The following ARMC2 variants were observed in gnomAD, a reference collection of about 807,000 sequenced individuals.
The protein encoded by ARMC2 is armadillo repeat-containing protein 2.
Under a neutral mutation model 90.3 loss-of-function variants are expected in ARMC2, and 67 were observed. The observed-to-expected ratio is 0.74, with a 90% CI of 0.61 to 0.91. ARMC2 has a LOEUF of 0.91. Ranked by LOEUF, ARMC2 falls within the 40% of genes least tolerant of loss-of-function variation. ARMC2 has a pLI of 0.00. For missense variants in ARMC2, 920 were observed against 1,030.9 expected (o/e 0.89, Z 1.47); for synonymous variants, 393 against 393.0 (o/e 1.00, Z 0.00).
At chr6:108,863,616 G>A (rs1775506462) in intron 3 of ARMC2, among the ~76,000 whole-genome samples, 1 of 152,170 alleles carries the variant, frequency 6.6e-6, no homozygotes. Context: ...AAAGAGGTGT[G>A]ACCATGTGAA....
chr6:109,036,634 T>C, the ARMC2 span, among the ~76,000 whole-genome samples: 1 of 152,200 alleles, frequency 6.6e-6, no homozygotes, highest in Non-Finnish European at 1.5e-5. Context: ...AAAAAATTTT[T>C]TTTAGGTTGT....
chr6:108,902,604 C>T (rs1003791702), intron 7 of ARMC2, among the ~76,000 whole-genome samples: 2 of 152,210 alleles, frequency 1.3e-5, no homozygotes, highest in Non-Finnish European at 1.5e-5. Flanking sequence ...AACCAAAAGA[C>T]ATTGAAGGTT....
chr6:109,051,176 A>G, the ARMC2 span, among the ~76,000 whole-genome samples: 1 of 152,140 alleles, frequency 6.6e-6, no homozygotes, highest in African/African-American at 2.4e-5. Context: ...AAAAAAACTC[A>G]TTTCAGAAAT....
the ARMC2 span, among the ~76,000 whole-genome samples, chr6:109,019,611 A>G: frequency 3.3e-5 from 5 of 152,326 alleles, no homozygotes; most frequent in East Asian, 7.7e-4. Flanking sequence ...AGTGACACAC[A>G]TGCCAGTATG....
intron 3 of ARMC2, among the ~76,000 whole-genome samples, chr6:108,868,226 TG>T (rs920758322): frequency 6.2e-4 from 8 of 12,882 alleles, no homozygotes; most frequent in Non-Finnish European, 1.0e-3. Context: ...TATTTGGGGG[TG>T]GGGGGGCGGG....
At chr6:108,857,971 T>C (rs1774819134) in intron 2 of ARMC2, among the ~76,000 whole-genome samples, 1 of 152,238 alleles carries the variant, frequency 6.6e-6, no homozygotes, top group Non-Finnish European at 1.5e-5. Flanking sequence ...AAAAAATTAC[T>C]CTATACACTT....
At chr6:108,943,118 G>C (rs1052063647) in intron 12 of ARMC2, among the ~76,000 whole-genome samples, 6 of 152,138 alleles carry the variant, frequency 3.9e-5, no homozygotes, top group African/African-American at 1.2e-4. Flanking sequence ...CCCATCTGCT[G>C]TTGTTTTCCA....
At chr6:108,976,239 C>T (rs1033933408), downstream of ARMC2, among the ~76,000 whole-genome samples, 5 of 152,188 alleles carry the variant, frequency 3.3e-5, no homozygotes, top group Admixed American at 1.3e-4. Flanking sequence ...CCAGTTTTCC[C>T]AACACCATTT....
chr6:108,879,797 A>G (rs1229531908), intron 5 of ARMC2: 1 of 393,760 alleles, frequency 2.5e-6, no homozygotes, highest in Admixed American at 3.5e-5. Flanking sequence ...GAATCTCTGG[A>G]TTTAGGTTTG....
At position 108,904,326 on chromosome 6, in the gene ARMC2, T is replaced by G. The variant is rs1350780406; in HGVS notation, c.944T>G (p.Ile315Ser). 6.2e-7 allele frequency: 1 copy of G among 1,613,938 alleles called. No individual in the cohort carries two copies. The highest frequency in any genetic ancestry group is 1.1e-5 in the South Asian group (1 of 91,080). Residue 315 changes from isoleucine (I) to serine (S), a missense_variant, in exon 8 of 18, where the codon ATT becomes AGT. By Grantham distance (142) the Ile-to-Ser change is moderately radical. Coordinates refer to ENST00000392644, the MANE Select transcript of ARMC2 (RefSeq NM_032131.6). ...GGAAATAAATTTAAGGGAAGAAGTATTCTCCTGAAGACCCTGTGTAAACTA... is the reference window on the plus strand; with the variant it reads ...GGAAATAAATTTAAGGGAAGAAGTAGTCTCCTGAAGACCCTGTGTAAACTA... ...MLGNKFKGRS[I>S]LLKTLCKLVD...
chr6:109,010,845 C>G, the ARMC2 span, among the ~76,000 whole-genome samples: 1 of 152,192 alleles, frequency 6.6e-6, no homozygotes, highest in Admixed American at 6.5e-5. Context: ...AATGCCCACT[C>G]AGCCGTAAGC....
intron 10 of ARMC2, among the ~76,000 whole-genome samples, chr6:108,921,825 C>T (rs1250201117): frequency 2.0e-5 from 3 of 152,206 alleles, no homozygotes; most frequent in Non-Finnish European, 4.4e-5. Context: ...AACAATTTTG[C>T]AGTTGGCAGT....
the ARMC2 span, among the ~76,000 whole-genome samples, chr6:109,039,761 C>T: frequency 2.6e-5 from 4 of 152,220 alleles, no homozygotes; most frequent in African/African-American, 9.6e-5. Flanking sequence ...GTTATTTTAG[C>T]TACCAATTCA....
At chr6:108,950,217 CA>C (rs994788233) in intron 12 of ARMC2, among the ~76,000 whole-genome samples, 1 of 151,494 alleles carries the variant, frequency 6.6e-6, no homozygotes, top group African/African-American at 2.4e-5. Flanking sequence ...AAAACAAAAA[CA>C]AAAAAAACAA....
At chr6:109,050,679 T>G in the ARMC2 span, among the ~76,000 whole-genome samples, 6 of 152,298 alleles carry the variant, frequency 3.9e-5, no homozygotes, top group South Asian at 1.2e-3. Context: ...ACATAATCCT[T>G]AGGTCTCTCA....
chr6:108,893,862 A>G (rs1208040333), intron 5 of ARMC2, among the ~76,000 whole-genome samples: 1 of 152,188 alleles, frequency 6.6e-6, no homozygotes, highest in Admixed American at 6.5e-5. Context: ...TACTAAAAAT[A>G]CAAAAATTAT....
chr6:108,875,612 T>C (rs1776858486), intron 4 of ARMC2, among the ~76,000 whole-genome samples: 1 of 152,216 alleles, frequency 6.6e-6, no homozygotes, highest in South Asian at 2.1e-4. Context: ...ATACTTTGCT[T>C]TTTTTCCATA....
the ARMC2 span, among the ~76,000 whole-genome samples, chr6:109,050,887 C>A: frequency 4.6e-5 from 7 of 152,152 alleles, no homozygotes; most frequent in Admixed American, 6.5e-5. Flanking sequence ...CAAGAAGGAA[C>A]AAACACAGCT....
At position 108,866,459 on chromosome 6, in the gene ARMC2, C is replaced by G. The variant is rs768405257; in HGVS notation, c.292-2365C>G. ...CAATATCTTAATTCTAACAAGCCTG[C>G]GTCAGAGGCTAGGGCCTTGACTATG... On this transcript the variant is annotated intron_variant, in intron 3 of 17. Coordinates refer to ENST00000392644, the MANE Select transcript of ARMC2 (RefSeq NM_032131.6). Among the ~76,000 whole-genome samples the G allele has an allele frequency of 1.2e-4, 18 of 152,270 alleles. No individual in the cohort carries two copies. The East Asian group carries it at 2.7e-3, about 23-fold the overall frequency.
Sources: allele counts gnomAD v4.1 joint callset (sites outside exome capture counted in the v4.1 genomes callset), GRCh38; gene constraint gnomAD v4.1.1; transcripts MANE v1.5; gene names NCBI Gene and HGNC (gene_info 2026-07-23, HGNC 2026-07-21).